VWA3B: variants seen among roughly 807,000 people sequenced by gnomAD.
VWA3B encodes von Willebrand factor A domain containing 3B.
VWA3B carries 138 observed loss-of-function variants against 158.3 expected under a neutral mutation model. The observed-to-expected ratio is 0.87, with a 90% CI of 0.76 to 1.00. The LOEUF (loss-of-function observed/expected upper bound fraction) is 1.00, where lower values mean the gene tolerates loss of function less well. VWA3B is among the 50% of genes least tolerant of loss of function. VWA3B has a pLI of 0.00. For missense variants in VWA3B, 1,555 were observed against 1,565.1 expected (o/e 0.99, Z 0.11); for synonymous variants, 596 against 587.3 (o/e 1.01, Z -0.21).
chr2:98,135,873 C>G (rs1676245503), intron 7 of VWA3B, among the ~76,000 whole-genome samples: 1 of 152,180 alleles, frequency 6.6e-6, no homozygotes, highest in Non-Finnish European at 1.5e-5. Flanking sequence ...CTCACCTGGG[C>G]CTCAGAGGCA....
rs761226950 is a variant in VWA3B, at chr2:98,236,476, G to A, written c.2515G>A (p.Asp839Asn). Residue 839 changes from aspartate (D) to asparagine (N), a missense_variant and splice_region_variant, in exon 18 of 28, where the codon GAT (aspartate) becomes AAT (asparagine). Transcript: ENST00000477737. Reference sequence around the variant, plus strand: ...AGAAGGAAGCCAGGTTTATGACCACGAGTGAGTTCTTTAATTTGACAAAGA... The same window carrying A: ...AGAAGGAAGCCAGGTTTATGACCACAAGTGAGTTCTTTAATTTGACAAAGA... ...TREGSQVYDH[D>N]SSDVSSENWL... The A allele has an allele frequency of 1.9e-6, 3 of 1,614,214 alleles. No individual in the cohort carries two copies. Among genetic ancestry groups the A allele is most frequent in the Admixed American group, 1.7e-5 (1 of 60,030 alleles).
chr2:98,142,691 A>G (rs1323048292), intron 7 of VWA3B, among the ~76,000 whole-genome samples: 1 of 152,240 alleles, frequency 6.6e-6, no homozygotes, highest in Non-Finnish European at 1.5e-5. Context: ...ACCCTAACAG[A>G]TGGCTCTTCT....
intron 12 of VWA3B, among the ~76,000 whole-genome samples, chr2:98,197,747 A>C (rs1427167300): frequency 1.3e-5 from 2 of 152,082 alleles, no homozygotes; most frequent in East Asian, 3.8e-4. Flanking sequence ...TTAAATATGC[A>C]TCCACCTTTT....
At chr2:98,264,103 T>A (rs550012996) in intron 21 of VWA3B, among the ~76,000 whole-genome samples, 2 of 152,146 alleles carry the variant, frequency 1.3e-5, no homozygotes, top group Non-Finnish European at 2.9e-5. Flanking sequence ...TTTCTGATTT[T>A]AGTTATTTGA....
At chr2:98,287,130 T>C (rs1421146143) in intron 22 of VWA3B, among the ~76,000 whole-genome samples, 1 of 152,176 alleles carries the variant, frequency 6.6e-6, no homozygotes, top group Admixed American at 6.5e-5. Context: ...AATTTTTGTA[T>C]TCTTTCTGAG....
At chr2:98,143,644 A>AG (rs1676950972) in intron 7 of VWA3B, among the ~76,000 whole-genome samples, 2 of 152,074 alleles carry the variant, frequency 1.3e-5, no homozygotes, top group Admixed American at 6.5e-5. Flanking sequence ...AATAAAAAAA[A>AG]CCTGGGCTTT....
intron 2 of VWA3B, among the ~76,000 whole-genome samples, chr2:98,097,178 CTG>C (rs1378594829): frequency 6.6e-6 from 1 of 152,034 alleles, no homozygotes; most frequent in Non-Finnish European, 1.5e-5. Flanking sequence ...GTGGTGAAGT[CTG>C]AGATTTCAGT....
At chr2:98,265,218 A>G (rs886746672) in intron 21 of VWA3B, among the ~76,000 whole-genome samples, 3 of 90,500 alleles carry the variant, frequency 3.3e-5, no homozygotes, top group Non-Finnish European at 6.2e-5. Context: ...AACAGTCCCC[A>G]GAGTGCGATG....
intron 12 of VWA3B, among the ~76,000 whole-genome samples, chr2:98,211,569 A>G (rs969544704): frequency 1.4e-4 from 22 of 152,354 alleles, no homozygotes; most frequent in African/African-American, 4.8e-4. Context: ...TGAAACCATT[A>G]TGATGCCACA....
chr2:98,184,897 T>C (rs1182272021), intron 9 of VWA3B, among the ~76,000 whole-genome samples: 1 of 152,246 alleles, frequency 6.6e-6, no homozygotes, highest in African/African-American at 2.4e-5. Flanking sequence ...GGTTGTCACT[T>C]ACTAAGCTCA....
chr2:98,248,795 C>T (rs1356577081), intron 19 of VWA3B, among the ~76,000 whole-genome samples: 1 of 151,984 alleles, frequency 6.6e-6, no homozygotes, highest in African/African-American at 2.4e-5. Flanking sequence ...GCGTGTGTCC[C>T]TTTCTCTCTG....
At position 98,271,976 on chromosome 2, in the gene VWA3B, C is replaced by T. The variant is rs76908955; in HGVS notation, c.3045+1093C>T. The stretch of plus-strand genomic sequence containing the variant: ...GGAAAAACAGTTCTCTCAACCGGTG[C>T]TCTCGCACCACAACAGCAATCATCA... On this transcript the variant is annotated intron_variant, in intron 22 of 27. Transcript: ENST00000477737. 2.8e-4 allele frequency among the ~76,000 whole-genome samples: 43 copies of T among 152,346 alleles called. 1 individual carries two copies. In the East Asian group the frequency reaches 8.3e-3, roughly 30 times the overall value.
intron 8 of VWA3B, among the ~76,000 whole-genome samples, chr2:98,167,029 G>T (rs2105271847): frequency 6.6e-6 from 1 of 152,264 alleles, no homozygotes; most frequent in East Asian, 1.9e-4. Flanking sequence ...TGAGGCAAAG[G>T]CTGGGTCAGT....
At chr2:98,228,712 T>C (rs2105687381) in intron 15 of VWA3B, among the ~76,000 whole-genome samples, 1 of 152,278 alleles carries the variant, frequency 6.6e-6, no homozygotes, top group South Asian at 2.1e-4. Flanking sequence ...TCCACGCCTC[T>C]CCATTGCGTG....
intron 12 of VWA3B, among the ~76,000 whole-genome samples, chr2:98,209,433 A>G (rs1435369707): frequency 6.6e-6 from 1 of 152,002 alleles, no homozygotes; most frequent in African/African-American, 2.4e-5. Context: ...GGCACCCACC[A>G]CCACGCCAGG....
At chr2:98,264,328 G>T (rs1010803902) in intron 21 of VWA3B, among the ~76,000 whole-genome samples, 1 of 151,438 alleles carries the variant, frequency 6.6e-6, no homozygotes, top group South Asian at 2.1e-4. Context: ...GTTAATTTGG[G>T]ACCTTCCTCC....
At chr2:98,134,568 A>G (rs769284396) in intron 7 of VWA3B, among the ~76,000 whole-genome samples, 2 of 152,138 alleles carry the variant, frequency 1.3e-5, no homozygotes, top group Non-Finnish European at 2.9e-5. Flanking sequence ...ATGAAATTGC[A>G]AAGTGCTGAA....
intron 15 of VWA3B, among the ~76,000 whole-genome samples, chr2:98,229,313 T>TG (rs1685162644): frequency 6.6e-6 from 1 of 152,222 alleles, no homozygotes; most frequent in Non-Finnish European, 1.5e-5. Flanking sequence ...CCTTCTGCTG[T>TG]GGGGGGCACA....
chr2:98,121,858 GGAGA>G (rs1377758763), intron 5 of VWA3B: 2 of 167,990 alleles, frequency 1.2e-5, no homozygotes, highest in African/African-American at 4.7e-5. Flanking sequence ...CTTATGAGGA[GGAGA>G]GAGAGATTGG....
Sources: gnomAD v4.1 joint callset for allele counts (sites outside exome capture counted in the v4.1 genomes callset) on GRCh38, gnomAD v4.1.1 for gene constraint, MANE v1.5 for transcripts, NCBI Gene and HGNC (gene_info 2026-07-23, HGNC 2026-07-21) for gene names.